OCA2: variants seen among roughly 807,000 people sequenced by gnomAD.
OCA2 encodes OCA2 melanosomal transmembrane protein.
A neutral mutation model predicts 100.2 loss-of-function variants in OCA2; 77 were observed. That is an observed-to-expected ratio of 0.77 (90% confidence interval 0.64 to 0.93). The LOEUF (loss-of-function observed/expected upper bound fraction) is 0.93. OCA2 is among the 40% of genes least tolerant of loss of function. The pLI, the probability that OCA2 is intolerant of heterozygous loss-of-function variation, is 0.00. For synonymous variants in OCA2, 432 were observed against 439.2 expected, an observed-to-expected ratio of 0.98 and a Z score of 0.21; for missense variants, 1,062 against 1,089.1, an observed-to-expected ratio of 0.98 and a Z score of 0.35.
the OCA2 span, among the ~76,000 whole-genome samples, chr15:27,737,744 G>T: frequency 0.46 from 69,245 of 152,024 alleles, 16,630 homozygotes; most frequent in Non-Finnish European, 0.53. Context: ...TTCATAAATT[G>T]GACTGCCTTA....
chr15:28,004,775 C>T (rs866822507), intron 9 of OCA2, among the ~76,000 whole-genome samples: 31 of 149,888 alleles, frequency 2.1e-4, no homozygotes, highest in African/African-American at 7.6e-4. Flanking sequence ...ACACACACAC[C>T]CTCGCTGTGA....
Position 28,024,554 on chromosome 15 carries a change from C to A in OCA2, c.573+291G>T, listed in dbSNP as rs948864024. The stretch of plus-strand genomic sequence containing the variant: ...CTGAACAGGGAAGTGGTAAGCCACT[C>A]GAGGGGGAAGGGAGCCCCACAGCCA... On this transcript the variant is annotated intron_variant, in intron 5 of 23. Coordinates refer to ENST00000354638, the MANE Select transcript of OCA2 (RefSeq NM_000275.3). 2.6e-5 allele frequency among the ~76,000 whole-genome samples: 4 copies of A among 152,168 alleles called. No individual in the cohort carries two copies. The East Asian group carries it at 7.7e-4, about 29-fold the overall frequency.
chr15:27,951,932 C>T lies in OCA2; in HGVS notation c.1843-40G>A. On this transcript the variant is annotated intron_variant, in intron 17 of 23. Coordinates refer to ENST00000354638, the MANE Select transcript of OCA2 (RefSeq NM_000275.3). Reference sequence around the variant, plus strand: ...CCACAGCTCATTTACTCTGCACAACCTTCTGACTCCTGCAGCGTGTCATAA... The same window carrying T: ...CCACAGCTCATTTACTCTGCACAACTTTCTGACTCCTGCAGCGTGTCATAA... 1.5e-6 allele frequency: 2 copies of T among 1,330,946 alleles called. 1 individual carries two copies. Among genetic ancestry groups the T allele is most frequent in the Middle Eastern group, 3.6e-4 (2 of 5,524 alleles). The allele number at this position is 1,330,946 out of a possible 1,614,324, so 82.4% of individuals were successfully genotyped here. A position where few individuals can be genotyped will look rare whatever the true frequency, so the allele number is the denominator to read the frequency against.
At chr15:27,902,534 CGCCAA>C (rs2037992327) in intron 19 of OCA2, among the ~76,000 whole-genome samples, 1 of 152,156 alleles carries the variant, frequency 6.6e-6, no homozygotes, top group South Asian at 2.1e-4. Context: ...CAAAAGACAT[CGCCAA>C]GCCTATGGTA....
intron 17 of OCA2, among the ~76,000 whole-genome samples, chr15:27,952,716 T>A (rs2040075777): frequency 6.6e-6 from 1 of 152,120 alleles, no homozygotes; most frequent in Non-Finnish European, 1.5e-5. Flanking sequence ...TCTCACTCTA[T>A]CACCCAGGCT....
intron 14 of OCA2, among the ~76,000 whole-genome samples, chr15:27,976,608 G>C (rs1270096288): frequency 6.6e-6 from 1 of 151,950 alleles, no homozygotes. Context: ...ATTCTACTTG[G>C]TTAAGATGTA....
At chr15:28,002,173 A>T (rs1372254472) in intron 9 of OCA2, among the ~76,000 whole-genome samples, 1 of 152,246 alleles carries the variant, frequency 6.6e-6, no homozygotes, top group Non-Finnish European at 1.5e-5. Context: ...CTAGGCTTGC[A>T]CAGTAGCAAA....
the OCA2 span, among the ~76,000 whole-genome samples, chr15:27,730,981 T>A: frequency 5.9e-3 from 886 of 150,350 alleles, 9 homozygotes; most frequent in African/African-American, 0.02. Flanking sequence ...GAGTTAAAAA[T>A]TTTTTTTATT....
intron 12 of OCA2, among the ~76,000 whole-genome samples, chr15:27,985,434 C>T (rs899928457): frequency 9.2e-5 from 14 of 152,176 alleles, no homozygotes; most frequent in Non-Finnish European, 1.8e-4. Flanking sequence ...CACAGAGCCC[C>T]TGTGATGGTT....
intron 14 of OCA2, among the ~76,000 whole-genome samples, chr15:27,973,534 C>T (rs1198861105): frequency 6.6e-6 from 1 of 152,056 alleles, no homozygotes; most frequent in Non-Finnish European, 1.5e-5. Context: ...TGTTCCATTG[C>T]TCTATGTGTC....
intron 21 of OCA2, among the ~76,000 whole-genome samples, chr15:27,860,727 T>C (rs113478305): frequency 6.4e-4 from 97 of 152,336 alleles, no homozygotes; most frequent in African/African-American, 2.3e-3. Context: ...TGATTCCATG[T>C]TTTCGCTACT....
intron 18 of OCA2, among the ~76,000 whole-genome samples, chr15:27,929,510 G>A (rs1378940389): frequency 6.6e-6 from 1 of 152,048 alleles, no homozygotes. Context: ...TTATAGGTCT[G>A]AATGTAAAAC....
At chr15:28,003,115 C>A (rs187815738) in intron 9 of OCA2, among the ~76,000 whole-genome samples, 139 of 152,370 alleles carry the variant, frequency 9.1e-4, no homozygotes, top group Middle Eastern at 3.4e-3. Flanking sequence ...CTTCTTCCCC[C>A]ACGTGATCCT....
chr15:27,852,079 A>C (rs889587610), intron 21 of OCA2, among the ~76,000 whole-genome samples: 22 of 152,358 alleles, frequency 1.4e-4, no homozygotes, highest in African/African-American at 5.0e-4. Flanking sequence ...TTCTACAGCC[A>C]GGAAGCACCA....
chr15:27,855,195 C>T lies in OCA2; in HGVS notation c.2245-3720G>A, dbSNP rs182118338. On this transcript the variant is annotated intron_variant, in intron 21 of 23. Coordinates refer to ENST00000354638, the MANE Select transcript of OCA2 (RefSeq NM_000275.3). ...ACTCTGTGGCCTGTCCTCCCAGGCC[C>T]TGCCTTGATCAAGCTCTCCTTCCCA... is the stretch of plus-strand genomic sequence containing the variant. Among the ~76,000 whole-genome samples, 506 of 152,336 alleles carry T rather than the reference C, an allele frequency of 3.3e-3. 4 individuals carry two copies. Among genetic ancestry groups the T allele is most frequent in the Non-Finnish European group, 5.6e-3 (379 of 68,026 alleles).
intron 22 of OCA2, among the ~76,000 whole-genome samples, chr15:27,847,292 G>C (rs543598242): frequency 6.6e-6 from 1 of 152,334 alleles, no homozygotes; most frequent in African/African-American, 2.4e-5. Flanking sequence ...AGAGGGCGGG[G>C]AGCTGGTGCT....
chr15:27,929,200 T>C (rs2039155300), intron 18 of OCA2, among the ~76,000 whole-genome samples: 1 of 152,010 alleles, frequency 6.6e-6, no homozygotes, highest in African/African-American at 2.4e-5. Flanking sequence ...GCAACTTTTA[T>C]AAAAAAATAA....
Position 27,895,699 on chromosome 15 carries a change from G to T in OCA2, c.2080-23777C>A. ...ATCCATGGATGGGGATCTCTGTTCCGCAGGATGGGGTTTGTAAAGTTGTTA... is the reference window on the plus strand; with the variant it reads ...ATCCATGGATGGGGATCTCTGTTCCTCAGGATGGGGTTTGTAAAGTTGTTA... On this transcript the variant is annotated intron_variant, in intron 19 of 23. Transcript: ENST00000354638. 5 of 212,552 alleles carry T rather than the reference G, an allele frequency of 2.4e-5. No individual in the cohort carries two copies. In the South Asian group the frequency reaches 4.0e-4, roughly 17 times the overall value. 13.2% of individuals were successfully genotyped at this position (212,552 alleles called of 1,614,324 possible). A position where few individuals can be genotyped will look rare whatever the true frequency, so the allele number is the denominator to read the frequency against.
intron 23 of OCA2, among the ~76,000 whole-genome samples, chr15:27,772,865 A>C (rs2031970272): frequency 1.3e-5 from 2 of 151,862 alleles, no homozygotes; most frequent in Admixed American, 1.3e-4. Flanking sequence ...GGAAAAAAAG[A>C]AAATGGAGAG....
Sources: gnomAD v4.1 joint callset for allele counts (sites outside exome capture counted in the v4.1 genomes callset) on GRCh38, gnomAD v4.1.1 for gene constraint, MANE v1.5 for transcripts, NCBI Gene and HGNC (gene_info 2026-07-23, HGNC 2026-07-21) for gene names.